Variants in PRICKLE2 observed in about 807,000 individuals in gnomAD.
PRICKLE2 encodes the protein prickle planar cell polarity protein 2.
Under a neutral mutation model 81.4 loss-of-function variants are expected in PRICKLE2, and 21 were observed. The ratio of observed to expected loss-of-function variants is 0.26; its 90% CI spans 0.18 to 0.37. The LOEUF (loss-of-function observed/expected upper bound fraction) is 0.37. Ranked by LOEUF, PRICKLE2 falls within the 10% of genes least tolerant of loss-of-function variation. The pLI, the probability that PRICKLE2 is intolerant of heterozygous loss-of-function variation, is 1.00. For missense variants in PRICKLE2, 940 were observed against 1,109.0 expected, an observed-to-expected ratio of 0.85 and a Z score of 2.16; for synonymous variants, 456 against 421.5, an observed-to-expected ratio of 1.08 and a Z score of -1.00.
At chr3:64,169,626 GA>G (rs536597644) in intron 2 of PRICKLE2, among the ~76,000 whole-genome samples, 43 of 152,272 alleles carry the variant, frequency 2.8e-4, no homozygotes, top group African/African-American at 1.0e-3. Flanking sequence ...CTAGTTTAAG[GA>G]AAAGGCAAAC....
At chr3:64,135,913 T>C (rs909721203) in intron 7 of PRICKLE2, among the ~76,000 whole-genome samples, 2 of 152,192 alleles carry the variant, frequency 1.3e-5, no homozygotes, top group African/African-American at 4.8e-5. Flanking sequence ...TTCACATTGA[T>C]TCTAGAGCGG....
chr3:64,131,737 T>C (rs1403391194), intron 7 of PRICKLE2, among the ~76,000 whole-genome samples: 2 of 152,210 alleles, frequency 1.3e-5, no homozygotes, highest in Admixed American at 1.3e-4. Context: ...TCTTCTGTTA[T>C]AAATGGAAAG....
At chr3:64,121,356 G>GT (rs142030873) in intron 7 of PRICKLE2, among the ~76,000 whole-genome samples, 2,389 of 152,162 alleles carry the variant, frequency 0.016, 60 homozygotes, top group African/African-American at 0.055. Flanking sequence ...AAAATGCATT[G>GT]TTTTCCATAC....
chr3:64,096,747 G>A lies in PRICKLE2; in HGVS notation c.*2304C>T, dbSNP rs2076577340. On this transcript the variant is annotated 3_prime_UTR_variant, in exon 8 of 8. Transcript: ENST00000638394. ...CTTCTTTCTGATGATGGTGGTTGAAGCTTTCTTTGAGAAAGGTAAGAGGTA... is the reference window on the plus strand; with the variant it reads ...CTTCTTTCTGATGATGGTGGTTGAAACTTTCTTTGAGAAAGGTAAGAGGTA... The A allele has an allele frequency of 6.6e-6, 1 of 152,190 alleles. No homozygotes were observed. The highest frequency in any genetic ancestry group is 2.1e-4 in the South Asian group (1 of 4,834). 9.4% of individuals were successfully genotyped at this position (152,190 alleles called of 1,614,324 possible).
intron 2 of PRICKLE2, among the ~76,000 whole-genome samples, chr3:64,256,803 C>A (rs2079530809): frequency 6.6e-6 from 1 of 152,156 alleles, no homozygotes; most frequent in South Asian, 2.1e-4. Flanking sequence ...AACATGACAG[C>A]ATAACAAAGA....
intron 7 of PRICKLE2, among the ~76,000 whole-genome samples, chr3:64,143,988 G>A (rs1476244161): frequency 6.6e-6 from 1 of 150,394 alleles, no homozygotes; most frequent in Admixed American, 6.7e-5. Flanking sequence ...ATGGGGATGA[G>A]GATATCTACT....
Position 64,210,790 on chromosome 3 carries a change from C to T in PRICKLE2, c.-40-11823G>A, listed in dbSNP as rs961373451. On this transcript the variant is annotated intron_variant, in intron 1 of 7. Coordinates refer to ENST00000638394, the MANE Select transcript of PRICKLE2 (RefSeq NM_198859.4). ...TTGGAAACATATAATTTAAAGATCT[C>T]TTACTGTATTTTGATTTGCAGAAAT... Among the ~76,000 whole-genome samples, 5 of 152,138 alleles carry T rather than the reference C, an allele frequency of 3.3e-5. No individual in the cohort carries two copies. In the East Asian group the frequency reaches 7.7e-4, roughly 23 times the overall value.
At chr3:64,101,169 T>G (rs936087303) in intron 7 of PRICKLE2, 2 of 152,088 alleles carry the variant, frequency 1.3e-5, no homozygotes, top group African/African-American at 4.8e-5. Flanking sequence ...CGACCAAGAG[T>G]AGAAATTCCA....
chr3:64,145,103 T>C (rs1489881436), intron 7 of PRICKLE2, among the ~76,000 whole-genome samples: 2 of 148,260 alleles, frequency 1.3e-5, no homozygotes, highest in African/African-American at 4.9e-5. Flanking sequence ...TTAAATTTTT[T>C]TTTTTTTTTT....
rs764414507 is a variant in PRICKLE2 at position 64,152,411 on chromosome 3, G to A, written c.787+771C>T. On this transcript the variant is annotated intron_variant, in intron 6 of 7. Coordinates refer to ENST00000638394, the MANE Select transcript of PRICKLE2 (RefSeq NM_198859.4). ...ACAATGCAGTATGATCTGGAACAGC[G>A]TTAAAGGGTTGAACAAATTGGGTAT... Among the ~76,000 whole-genome samples, 9 of 152,336 alleles carry A rather than the reference G, an allele frequency of 5.9e-5. No individual in the cohort carries two copies. In the South Asian group the frequency reaches 6.2e-4, roughly 11 times the overall value.
chr3:64,265,116 C>A (rs2079679799), intron 2 of PRICKLE2, among the ~76,000 whole-genome samples: 1 of 151,860 alleles, frequency 6.6e-6, no homozygotes, highest in Non-Finnish European at 1.5e-5. Flanking sequence ...CACAGAGGAG[C>A]AGGATATGAA....
At chr3:64,266,100 A>C (rs1208215811) in intron 2 of PRICKLE2, among the ~76,000 whole-genome samples, 1 of 152,138 alleles carries the variant, frequency 6.6e-6, no homozygotes, top group Non-Finnish European at 1.5e-5. Flanking sequence ...ATTACACCCA[A>C]AGCTGTGTAC....
intron 7 of PRICKLE2, chr3:64,145,483 C>A (rs948911289): frequency 1.3e-5 from 2 of 151,754 alleles, no homozygotes; most frequent in Non-Finnish European, 2.9e-5. Context: ...GCCTTGGCCT[C>A]CCAAAGTGCT....
intron 1 of PRICKLE2, among the ~76,000 whole-genome samples, chr3:64,208,880 TTC>T (rs1373906783): frequency 6.6e-6 from 1 of 152,166 alleles, no homozygotes; most frequent in Non-Finnish European, 1.5e-5. Flanking sequence ...AAAATATTCC[TTC>T]TCTTATTCCA....
At position 64,094,813 on chromosome 3, in the gene PRICKLE2, G is replaced by A. The variant is rs14056; in HGVS notation, c.*4238C>T. 0.16 allele frequency: 24,053 copies of A among 152,662 alleles called. 2,439 individuals carry two copies. Among genetic ancestry groups the A allele is most frequent in the Middle Eastern group, 0.26 (77 of 294 alleles). The allele number at this position is 152,662 out of a possible 1,614,324, so 9.5% of individuals were successfully genotyped here. A position where few individuals can be genotyped will look rare whatever the true frequency, so the allele number is the denominator to read the frequency against. On this transcript the variant is annotated 3_prime_UTR_variant, in exon 8 of 8. Coordinates refer to ENST00000638394, the MANE Select transcript of PRICKLE2 (RefSeq NM_198859.4). Reference sequence around the variant, plus strand: ...AAAGAAATGTACCTCAAAAGGTGGCGATCTGAAACTGCCTTCAACAATTGG... The same window carrying A: ...AAAGAAATGTACCTCAAAAGGTGGCAATCTGAAACTGCCTTCAACAATTGG...
At chr3:64,178,970 T>TCTTC (rs1048734481) in intron 2 of PRICKLE2, among the ~76,000 whole-genome samples, 1 of 52,658 alleles carries the variant, frequency 1.9e-5, no homozygotes, top group African/African-American at 8.3e-5. Flanking sequence ...ATATTTTCTT[T>TCTTC]CTTTCTTTCT....
intron 1 of PRICKLE2, chr3:64,200,243 G>T (rs1032487348): frequency 6.6e-6 from 1 of 151,992 alleles, no homozygotes; most frequent in African/African-American, 2.4e-5. Flanking sequence ...TTTGAAGTTG[G>T]CTTCTTTCAC....
intron 2 of PRICKLE2, among the ~76,000 whole-genome samples, chr3:64,265,482 T>C (rs1459952893): frequency 6.6e-6 from 1 of 152,188 alleles, no homozygotes; most frequent in Admixed American, 6.5e-5. Flanking sequence ...TGTGACTGAG[T>C]ACTTTTCAGG....
rs760877594 is a variant in PRICKLE2, at chr3:64,099,472, C to G, written c.2114G>C (p.Arg705Pro). ...SDNALHLASE[R>P]EAISRLKDRP... Reference sequence around the variant, plus strand: ...ATCTTTTAACCGGGAGATGGCCTCGCGTTCGCTGGCCAGGTGGAGGGCGTT... The same window carrying G: ...ATCTTTTAACCGGGAGATGGCCTCGGGTTCGCTGGCCAGGTGGAGGGCGTT... The change falls in exon 8 of 8, where the codon CGC becomes CCC. Residue 705 changes from arginine (R) to proline (P), a missense_variant. By Grantham distance (103) the Arg-to-Pro change is moderately radical. This residue lies in a region of PRICKLE2 where 670 missense variants were observed against 717.2 expected (regional missense o/e 0.93). Transcript: ENST00000638394. The surrounding 1 kb of genome is among the most constrained non-coding windows in gnomAD (Gnocchi z 4.3). 13 of 1,584,186 alleles carry G rather than the reference C, an allele frequency of 8.2e-6. No homozygotes were observed. In the African/African-American group the frequency reaches 1.5e-4, roughly 18 times the overall value.
Sources: gnomAD v4.1 joint callset for allele counts (sites outside exome capture counted in the v4.1 genomes callset) on GRCh38, gnomAD v4.1.1 for gene constraint, gnomAD v4.1.1 regional missense constraint, Gnocchi (gnomAD v3.1) non-coding constraint, MANE v1.5 for transcripts, NCBI Gene and HGNC (gene_info 2026-07-23, HGNC 2026-07-21) for gene names.